Variants in PPP2R1B observed in about 807,000 individuals in gnomAD.
The protein encoded by PPP2R1B is serine/threonine-protein phosphatase 2A 65 kDa regulatory subunit A beta isoform.
PPP2R1B carries 58 observed loss-of-function variants against 72.7 expected under a neutral mutation model. That is an observed-to-expected ratio of 0.80 (90% confidence interval 0.65 to 0.99). PPP2R1B has a LOEUF of 0.99. Ranked by LOEUF, PPP2R1B falls within the 50% of genes least tolerant of loss-of-function variation. The pLI, the probability that PPP2R1B is intolerant of heterozygous loss-of-function variation, is 0.00. For missense variants in PPP2R1B, 695 were observed against 733.6 expected (o/e 0.95, Z 0.61); for synonymous variants, 256 against 264.6 (o/e 0.97, Z 0.32).
At chr11:111,705,156 T>G in the PPP2R1B span, 1 of 1,547,676 alleles carries the variant, frequency 6.5e-7, no homozygotes, top group Non-Finnish European at 8.6e-7. The surrounding 1 kb of genome is among the most constrained non-coding windows in gnomAD (Gnocchi z 4.3). Flanking sequence ...CCCCCTTAGC[T>G]GAGAGTCTTA....
chr11:111,718,156 A>G, the PPP2R1B span, among the ~76,000 whole-genome samples: 1 of 152,216 alleles, frequency 6.6e-6, no homozygotes, highest in African/African-American at 2.4e-5. Flanking sequence ...CCGTAAGTGT[A>G]AGGATGCTCA....
intron 3 of PPP2R1B, among the ~76,000 whole-genome samples, chr11:111,763,671 GT>G (rs1348969426): frequency 3.9e-5 from 6 of 152,200 alleles, no homozygotes; most frequent in Non-Finnish European, 7.3e-5. Context: ...TACATTCTAG[GT>G]TTTGGCTTGT....
rs564933119 is a variant in PPP2R1B, at chr11:111,766,124, A to G, written c.114+124T>C. On this transcript the variant is annotated intron_variant, in intron 1 of 14. Coordinates refer to ENST00000527614, the MANE Select transcript of PPP2R1B (RefSeq NM_002716.5). ...GCGGAGCATTCCCCGCCTCCCCTTCAAGTTTCTGCTACGAGTCCGACTCAT... is the reference window on the plus strand; with the variant it reads ...GCGGAGCATTCCCCGCCTCCCCTTCGAGTTTCTGCTACGAGTCCGACTCAT... 1.5e-5 allele frequency: 13 copies of G among 880,512 alleles called. No individual in the cohort carries two copies. The African/African-American group carries it at 2.2e-4, about 15-fold the overall frequency. The allele number at this position is 880,512 out of a possible 1,614,324, so 54.5% of individuals were successfully genotyped here. A position where few individuals can be genotyped will look rare whatever the true frequency, so the allele number is the denominator to read the frequency against.
At chr11:111,694,938 A>G in the PPP2R1B span, among the ~76,000 whole-genome samples, 1 of 152,154 alleles carries the variant, frequency 6.6e-6, no homozygotes, top group Non-Finnish European at 1.5e-5. Flanking sequence ...TTTCATCTCA[A>G]CTGTGATGAT....
intron 15 of PPP2R1B, chr11:111,728,782 G>A (rs1944069135): frequency 6.6e-6 from 1 of 152,080 alleles, no homozygotes; most frequent in Non-Finnish European, 1.5e-5. Context: ...AAATTAGCCG[G>A]GCGTGGTGGT....
chr11:111,759,642 T>A (rs1444143843), intron 5 of PPP2R1B, among the ~76,000 whole-genome samples, 162 bp downstream of exon 5: 1 of 152,122 alleles, frequency 6.6e-6, no homozygotes, highest in East Asian at 1.9e-4. Flanking sequence ...GAAAGAAACA[T>A]AAGAACATTG....
intron 3 of PPP2R1B, chr11:111,761,291 T>C (rs895942485): frequency 3.1e-6 from 2 of 643,182 alleles, no homozygotes; most frequent in African/African-American, 1.8e-5. Flanking sequence ...CCAGATGGTG[T>C]CTACAAATGA....
the PPP2R1B span, among the ~76,000 whole-genome samples, chr11:111,699,415 G>A: frequency 4.1e-4 from 63 of 152,234 alleles, no homozygotes; most frequent in East Asian, 8.7e-3. Context: ...GACCTTTCAC[G>A]TCTAGTATGC....
chr11:111,756,201 C>G (rs1438308952), intron 5 of PPP2R1B, among the ~76,000 whole-genome samples: 1 of 135,868 alleles, frequency 7.4e-6, no homozygotes, highest in African/African-American at 2.8e-5. Context: ...CAGAGTGACA[C>G]TCTGTCTCAA....
chr11:111,752,380 C>T, intron 9 of PPP2R1B, 48 bp from the exon 10 acceptor site: 1 of 1,530,814 alleles, frequency 6.5e-7, no homozygotes, highest in South Asian at 1.3e-5. Context: ...ATCAAGTACT[C>T]TGCCCAACAG....
downstream of PPP2R1B, chr11:111,724,420 A>G: frequency 1.2e-5 from 5 of 425,540 alleles, no homozygotes; most frequent in Non-Finnish European, 2.1e-5. Context: ...ATGTGTTCCT[A>G]AGAAGACATT....
At chr11:111,720,526 C>CTT in the PPP2R1B span, 2 of 1,613,394 alleles carry the variant, frequency 1.2e-6, no homozygotes, top group Non-Finnish European at 1.7e-6. Context: ...AGTGTGGACT[C>CTT]TGAGTATGAT....
At chr11:111,728,629 A>C (rs1944058641) in intron 15 of PPP2R1B, 1 of 152,060 alleles carries the variant, frequency 6.6e-6, no homozygotes, top group South Asian at 2.1e-4. Flanking sequence ...GCAATGTATG[A>C]AAGACAAGAG....
At chr11:111,754,940 A>T in intron 7 of PPP2R1B, 40 bp downstream of exon 7, 9 of 1,507,270 alleles carry the variant, frequency 6.0e-6, no homozygotes, top group Non-Finnish European at 8.2e-6. Context: ...ATGCACCAAA[A>T]TGAATGACAC....
the PPP2R1B span, among the ~76,000 whole-genome samples, chr11:111,708,773 A>T: frequency 6.6e-6 from 1 of 151,936 alleles, no homozygotes; most frequent in Non-Finnish European, 1.5e-5. Context: ...TTTTTTGTGG[A>T]GATAGGGTCT....
At chr11:111,694,003 T>G in the PPP2R1B span, among the ~76,000 whole-genome samples, 1 of 152,216 alleles carries the variant, frequency 6.6e-6, no homozygotes, top group Non-Finnish European at 1.5e-5. Context: ...GTGATAAAAG[T>G]TCATATCTCA....
In PPP2R1B at chr11:111,747,963, C is replaced by A. The variant is rs34854389; in HGVS notation, c.1390G>T (p.Val464Leu). 1 of 1,612,188 alleles carries A rather than the reference C, an allele frequency of 6.2e-7. No homozygotes were observed. The highest frequency in any genetic ancestry group is 8.5e-7 in the Non-Finnish European group (1 of 1,178,878). ...GTTTTTATCTACTCACCATGGTCCA[C>A]GAGCCAAGCCATACATAAAGAATTC... ...KLNSLCMAWL[V>L]DHVYAIREAA... Residue 464 changes from valine to leucine, a missense_variant, in exon 11 of 15, where the codon GTG becomes TTG. Val to Leu is a conservative substitution (Grantham distance 32, BLOSUM62 1). Coordinates refer to ENST00000527614, the MANE Select transcript of PPP2R1B (RefSeq NM_002716.5).
At chr11:111,733,390 C>G (rs1287230587), downstream of PPP2R1B, among the ~76,000 whole-genome samples, 1 of 152,040 alleles carries the variant, frequency 6.6e-6, no homozygotes, top group African/African-American at 2.4e-5. Context: ...AGCCGAGCCC[C>G]CAAAAGCTGG....
At chr11:111,723,649 G>A (rs200450249), downstream of PPP2R1B, 169 of 1,614,070 alleles carry the variant, frequency 1.0e-4, no homozygotes, top group Middle Eastern at 4.9e-4. Flanking sequence ...AGGCCCCACC[G>A]TTCAGCCTGA....
Sources: allele counts gnomAD v4.1 joint callset (sites outside exome capture counted in the v4.1 genomes callset), GRCh38; gene constraint gnomAD v4.1.1; non-coding constraint Gnocchi (gnomAD v3.1); transcripts MANE v1.5; gene names NCBI Gene and HGNC (gene_info 2026-07-23, HGNC 2026-07-21).